The following WWOX variants were observed in gnomAD, a reference collection of about 807,000 sequenced individuals.
The protein encoded by WWOX is WW domain containing oxidoreductase.
A neutral mutation model predicts 46.2 loss-of-function variants in WWOX; 69 were observed. The observed-to-expected ratio is 1.49, with a 90% CI of 1.23 to 1.82. The LOEUF (loss-of-function observed/expected upper bound fraction) is 1.82, where lower values mean the gene tolerates loss of function less well. WWOX is among the 40% of genes most tolerant of loss of function. WWOX has a pLI of 0.00. For missense variants in WWOX, 919 were observed against 542.6 expected, an observed-to-expected ratio of 1.69 and a Z score of -6.89; for synonymous variants, 359 against 202.6, an observed-to-expected ratio of 1.77 and a Z score of -6.56.
intron 8 of WWOX, among the ~76,000 whole-genome samples, chr16:78,738,280 G>A (rs572808778): frequency 6.6e-6 from 1 of 152,176 alleles, no homozygotes; most frequent in Admixed American, 6.5e-5. Context: ...TTATATATTA[G>A]GTGTGCTCTT....
At chr16:78,903,858 A>C (rs1399051943) in intron 8 of WWOX, among the ~76,000 whole-genome samples, 1 of 152,192 alleles carries the variant, frequency 6.6e-6, no homozygotes, top group Non-Finnish European at 1.5e-5. Context: ...TAGTTCTCAG[A>C]ACTCTGTGGC....
chr16:78,352,487 C>G (rs1174519415), intron 5 of WWOX, among the ~76,000 whole-genome samples: 1 of 152,204 alleles, frequency 6.6e-6, no homozygotes, highest in African/African-American at 2.4e-5. Context: ...GCCCCTTCCT[C>G]TATCTTCAAA....
intron 8 of WWOX, among the ~76,000 whole-genome samples, chr16:78,640,226 G>GTTTTTTTT (rs34129775): frequency 4.6e-5 from 3 of 65,374 alleles, no homozygotes; most frequent in Admixed American, 2.6e-4. Context: ...TTGTTGTTGG[G>GTTTTTTTT]TTTTTTTTTT....
chr16:78,144,518 T>TACACACACACACAC (rs2034129413), intron 4 of WWOX, among the ~76,000 whole-genome samples: 1 of 36,630 alleles, frequency 2.7e-5, no homozygotes, highest in Non-Finnish European at 4.9e-5. Flanking sequence ...TATATATATA[T>TACACACACACACAC]ATATATTTTT....
At chr16:78,384,120 C>T (rs1390052982) in intron 5 of WWOX, among the ~76,000 whole-genome samples, 1 of 152,168 alleles carries the variant, frequency 6.6e-6, no homozygotes, top group Admixed American at 6.5e-5. Flanking sequence ...GAAATACATA[C>T]ATGCGTTTTT....
At chr16:78,974,034 G>A (rs1015674664) in intron 8 of WWOX, among the ~76,000 whole-genome samples, 1 of 152,148 alleles carries the variant, frequency 6.6e-6, no homozygotes, top group Non-Finnish European at 1.5e-5. Flanking sequence ...TATGTTGAAT[G>A]TTTAAAATTC....
At chr16:78,781,904 C>T (rs1255802786) in intron 8 of WWOX, among the ~76,000 whole-genome samples, 2 of 152,188 alleles carry the variant, frequency 1.3e-5, no homozygotes, top group East Asian at 3.9e-4. Flanking sequence ...GTTCACAGGT[C>T]TTTACATGTA....
In WWOX at chr16:79,000,823, C is replaced by A. The variant is rs2047078126; in HGVS notation, c.1057-210785C>A. On this transcript the variant is annotated intron_variant, in intron 8 of 8. Coordinates refer to ENST00000566780, the MANE Select transcript of WWOX (RefSeq NM_016373.4). ...CTTTCTTGGGAAGTTCTCCAGCCTT[C>A]CCCATTGACTCTCAGAGGACCCTGG... 2.0e-5 allele frequency among the ~76,000 whole-genome samples: 3 copies of A among 152,306 alleles called. No homozygotes were observed. The South Asian group carries it at 6.2e-4, about 32-fold the overall frequency.
chr16:78,996,669 A>C (rs962001860), intron 8 of WWOX, among the ~76,000 whole-genome samples: 1 of 152,016 alleles, frequency 6.6e-6, no homozygotes, highest in Non-Finnish European at 1.5e-5. Context: ...TCCCCCCAAA[A>C]TGTGGGGACA....
rs565125244 is a variant in WWOX at position 78,554,059 on chromosome 16, C to A, written c.1056+121307C>A. Among the ~76,000 whole-genome samples, 4 of 152,246 alleles carry A rather than the reference C, an allele frequency of 2.6e-5. No individual in the cohort carries two copies. In the South Asian group the frequency reaches 8.3e-4, roughly 32 times the overall value. ...ACAAATCTGAGTTGTTCCACAGATA[C>A]TTTGAGTGCAGTACAAGTTGGTAAT... On this transcript the variant is annotated intron_variant, in intron 8 of 8. Coordinates refer to ENST00000566780, the MANE Select transcript of WWOX (RefSeq NM_016373.4).
At chr16:79,084,035 C>A (rs982339125) in intron 8 of WWOX, among the ~76,000 whole-genome samples, 1 of 152,122 alleles carries the variant, frequency 6.6e-6, no homozygotes, top group Non-Finnish European at 1.5e-5. Flanking sequence ...AGTTTTAAGT[C>A]TCCACAGGCA....
At position 79,055,922 on chromosome 16, in the gene WWOX, C is replaced by G. The variant is rs145966298; in HGVS notation, c.1057-155686C>G. 3.3e-5 allele frequency among the ~76,000 whole-genome samples: 5 copies of G among 152,318 alleles called. No homozygotes were observed. In the East Asian group the frequency reaches 7.7e-4, roughly 24 times the overall value. On this transcript the variant is annotated intron_variant, in intron 8 of 8. Coordinates refer to ENST00000566780, the MANE Select transcript of WWOX (RefSeq NM_016373.4). ...AAGCAGGGATAAGAAGAGGGAAGGTCTCCCAGATGTAAATTTCTCATAAAT... is the reference window on the plus strand; with the variant it reads ...AAGCAGGGATAAGAAGAGGGAAGGTGTCCCAGATGTAAATTTCTCATAAAT...
intron 8 of WWOX, among the ~76,000 whole-genome samples, chr16:78,843,070 C>A (rs1298954093): frequency 6.7e-6 from 1 of 149,862 alleles, no homozygotes; most frequent in African/African-American, 2.4e-5. Flanking sequence ...TGGGTCTTTG[C>A]TTTTGGCAAT....
At chr16:78,857,674 C>G (rs527799900) in intron 8 of WWOX, among the ~76,000 whole-genome samples, 1 of 152,274 alleles carries the variant, frequency 6.6e-6, no homozygotes, top group South Asian at 2.1e-4. Flanking sequence ...TCCACCAAGG[C>G]TGAATCTTTG....
chr16:78,493,463 G>C (rs542972616), intron 8 of WWOX, among the ~76,000 whole-genome samples: 1 of 152,182 alleles, frequency 6.6e-6, no homozygotes, highest in Non-Finnish European at 1.5e-5. Context: ...AGTAACTAAC[G>C]TGTTTATTTA....
chr16:78,374,893 C>G (rs1448430843), intron 5 of WWOX, among the ~76,000 whole-genome samples: 5 of 151,934 alleles, frequency 3.3e-5, no homozygotes, highest in Non-Finnish European at 7.4e-5. Flanking sequence ...ACCAGGTTGG[C>G]CAGCCTGGTC....
chr16:78,465,695 T>C (rs1425612490), intron 8 of WWOX, among the ~76,000 whole-genome samples: 1 of 152,242 alleles, frequency 6.6e-6, no homozygotes, highest in Non-Finnish European at 1.5e-5. Flanking sequence ...TATGTAAATT[T>C]AGCATATTTC....
intron 8 of WWOX, among the ~76,000 whole-genome samples, chr16:78,771,999 ATG>A (rs1343745101): frequency 1.3e-5 from 2 of 152,142 alleles, no homozygotes; most frequent in African/African-American, 4.8e-5. Context: ...ATTAGTGTAT[ATG>A]TGTGTTCTTA....
At chr16:78,388,499 T>G (rs1013324749) in intron 6 of WWOX, among the ~76,000 whole-genome samples, 1 of 151,646 alleles carries the variant, frequency 6.6e-6, no homozygotes, top group Non-Finnish European at 1.5e-5. Flanking sequence ...TACAAAAAAT[T>G]AGCTGGGTGT....
Sources: allele counts gnomAD v4.1 joint callset (sites outside exome capture counted in the v4.1 genomes callset), GRCh38; gene constraint gnomAD v4.1.1; transcripts MANE v1.5; gene names NCBI Gene and HGNC (gene_info 2026-07-23, HGNC 2026-07-21).